PALLD: variants seen among roughly 807,000 people sequenced by gnomAD.
PALLD encodes the protein palladin.
In PALLD, 61 loss-of-function variants were observed where a neutral mutation model predicts 123.5. The ratio of observed to expected loss-of-function variants is 0.49; its 90% CI spans 0.40 to 0.61. The LOEUF (loss-of-function observed/expected upper bound fraction) is 0.61, where lower values mean the gene tolerates loss of function less well. Among genes scored for constraint, PALLD ranks in the 20% least tolerant of loss-of-function variants. The pLI is 0.00. For missense variants in PALLD, 1,273 were observed against 1,377.0 expected, an observed-to-expected ratio of 0.92 and a Z score of 1.20; for synonymous variants, 465 against 496.4, an observed-to-expected ratio of 0.94 and a Z score of 0.84.
intron 2 of PALLD, among the ~76,000 whole-genome samples, chr4:168,615,599 AG>A (rs892466192): frequency 3.3e-5 from 5 of 152,214 alleles, no homozygotes; most frequent in Admixed American, 6.5e-5. Flanking sequence ...GATAATCAAA[AG>A]CATGTGTCCC....
chr4:168,788,493 G>T (rs1469907363), intron 10 of PALLD, among the ~76,000 whole-genome samples: 1 of 152,222 alleles, frequency 6.6e-6, no homozygotes, highest in Non-Finnish European at 1.5e-5. Flanking sequence ...AATAGGGAGA[G>T]CACAGAGGAT....
At chr4:168,584,588 C>T (rs1770623113) in intron 2 of PALLD, among the ~76,000 whole-genome samples, 1 of 152,298 alleles carries the variant, frequency 6.6e-6, no homozygotes, top group Non-Finnish European at 1.5e-5. Flanking sequence ...ACTTTTAAGG[C>T]ATCTAAGGAA....
At chr4:168,596,892 C>A (rs999173833) in intron 2 of PALLD, among the ~76,000 whole-genome samples, 6 of 152,032 alleles carry the variant, frequency 3.9e-5, no homozygotes, top group Non-Finnish European at 7.4e-5. Context: ...TTGATTGAGT[C>A]AATCCATACT....
chr4:168,681,396 A>G lies in PALLD; in HGVS notation c.1152A>G (p.Pro384=), dbSNP rs774645499. 1.4e-5 allele frequency: 22 copies of G among 1,589,298 alleles called. No homozygotes were observed. The highest frequency in any genetic ancestry group is 1.9e-5 in the Non-Finnish European group (22 of 1,157,740). Residue 384 remains proline (P), a splice_region_variant and synonymous_variant, in exon 4 of 22, where the codon CCA becomes CCG. Coordinates refer to ENST00000505667, the MANE Select transcript of PALLD (RefSeq NM_001166108.2). The stretch of plus-strand genomic sequence containing the variant: ...TCAAATCAAGAGCTGGAGCTATGCC[A>G]CAGTAAGTGCCTACAATTCCATCGA... ...LAFKSRAGAM[P]QAQKKTTSVS...
At chr4:168,500,440 T>TG (rs1761279212) in intron 1 of PALLD, among the ~76,000 whole-genome samples, 1 of 152,178 alleles carries the variant, frequency 6.6e-6, no homozygotes, top group Admixed American at 6.6e-5. Flanking sequence ...CATCGCTCAC[T>TG]GCAGCCTAGA....
chr4:168,732,186 G>T (rs889284787), intron 10 of PALLD, among the ~76,000 whole-genome samples: 1 of 152,180 alleles, frequency 6.6e-6, no homozygotes, highest in Non-Finnish European at 1.5e-5. Context: ...AGTTTGTAGC[G>T]TTGGACAAAT....
intron 10 of PALLD, among the ~76,000 whole-genome samples, chr4:168,852,820 T>C (rs1342782798): frequency 1.3e-5 from 2 of 152,220 alleles, no homozygotes; most frequent in African/African-American, 4.8e-5. Flanking sequence ...CTTAATTCCC[T>C]CTAATGCTTT....
chr4:168,699,417 C>CA (rs545765538), intron 8 of PALLD, among the ~76,000 whole-genome samples: 83 of 152,132 alleles, frequency 5.5e-4, no homozygotes, highest in Non-Finnish European at 1.1e-3. Context: ...CATTTACCCA[C>CA]ACTGGATTTC....
At chr4:168,907,286 G>A (rs1337163132) in intron 15 of PALLD, among the ~76,000 whole-genome samples, 1 of 152,174 alleles carries the variant, frequency 6.6e-6, no homozygotes, top group Admixed American at 6.5e-5. Context: ...AGAAGCCTGT[G>A]GAACCAGATG....
chr4:168,700,029 C>G (rs144919260), intron 8 of PALLD: 1 of 306,810 alleles, frequency 3.3e-6, no homozygotes, highest in Non-Finnish European at 6.5e-6. Flanking sequence ...ATGTCTTATA[C>G]GTCTTTGTTC....
At chr4:168,626,350 G>A (rs528444440) in intron 2 of PALLD, among the ~76,000 whole-genome samples, 10 of 146,126 alleles carry the variant, frequency 6.8e-5, no homozygotes, top group South Asian at 2.2e-4. Context: ...GCAGTGAGCC[G>A]AGATCGCACC....
At chr4:168,653,390 C>G (rs961182947) in intron 2 of PALLD, among the ~76,000 whole-genome samples, 3 of 152,194 alleles carry the variant, frequency 2.0e-5, no homozygotes, top group Non-Finnish European at 4.4e-5. Flanking sequence ...GACCTCTCCA[C>G]CTTTTTCTAG....
intron 3 of PALLD, among the ~76,000 whole-genome samples, chr4:168,673,392 G>A (rs1309665683): frequency 6.6e-6 from 1 of 152,028 alleles, no homozygotes; most frequent in Non-Finnish European, 1.5e-5. Context: ...CCGGACCAAG[G>A]GAACAAATGC....
chr4:168,678,773 A>ATG lies in PALLD; in HGVS notation c.1088-2542_1088-2541dup, dbSNP rs35217582. On this transcript the variant is annotated intron_variant, in intron 3 of 21. Transcript: ENST00000505667. ...TGTGTCCTCACAAGATCAGAGGGGT[A>ATG]TGTGTGTGTGTGTGTGTGGTGTACG... Among the ~76,000 whole-genome samples, 236 of 149,356 alleles carry ATG rather than the reference A, an allele frequency of 1.6e-3. 2 individuals carry two copies. The East Asian group carries it at 0.032, about 20-fold the overall frequency.
At chr4:168,529,838 T>C (rs1764436817) in intron 2 of PALLD, among the ~76,000 whole-genome samples, 1 of 152,206 alleles carries the variant, frequency 6.6e-6, no homozygotes, top group South Asian at 2.1e-4. Flanking sequence ...AAAGAAGTAA[T>C]TGTTGCAGCT....
At chr4:168,918,458 C>T (rs948104018) in intron 17 of PALLD, among the ~76,000 whole-genome samples, 9 of 151,954 alleles carry the variant, frequency 5.9e-5, no homozygotes, top group Non-Finnish European at 1.2e-4. Flanking sequence ...ACTACAGGAT[C>T]TTACTTATAT....
In PALLD at chr4:168,690,673, C is replaced by T. The variant is rs745457441; in HGVS notation, c.1406C>T (p.Pro469Leu). Residue 469 changes from proline to leucine, a missense_variant, in exon 7 of 22, where the codon CCT (proline) becomes CTT (leucine). Physicochemically the swap from Pro to Leu is moderately conservative, Grantham distance 98 (BLOSUM62 -3). This residue lies in a region of PALLD where 944 missense variants were observed against 954.5 expected (regional missense o/e 0.99). Coordinates refer to ENST00000505667, the MANE Select transcript of PALLD (RefSeq NM_001166108.2). ...GAGTGCCGGGTCCGTGGGGCACCCC[C>T]TCTGCAGGTCCAGTGGTTTCGGCAA... The part of the protein sequence containing the change: ...VLECRVRGAP[P>L]LQVQWFRQGS... 15 of 1,614,130 alleles carry T rather than the reference C, an allele frequency of 9.3e-6. No homozygotes were observed. The highest frequency in any genetic ancestry group is 1.2e-5 in the Non-Finnish European group (14 of 1,179,982).
chr4:168,631,850 C>CG, intron 2 of PALLD: 1 of 985,498 alleles, frequency 1.0e-6, no homozygotes, highest in Non-Finnish European at 1.2e-6. Context: ...GAAAGACCCC[C>CG]AAGAGGAGCT....
Position 168,711,902 on chromosome 4 carries a change from C to G in PALLD, c.1943C>G (p.Pro648Arg). The G allele has an allele frequency of 6.2e-7, 1 of 1,613,914 alleles. No individual in the cohort carries two copies. The highest frequency in any genetic ancestry group is 1.1e-5 in the South Asian group (1 of 91,056). The change falls in exon 10 of 22, where the codon CCT becomes CGT. Residue 648 changes from proline to arginine, a missense_variant. Pro to Arg is a moderately radical substitution (Grantham distance 103). Around this residue, in one of 2 missense-constraint regions of PALLD, gnomAD observed 944 missense variants for 954.5 expected, o/e 0.99. Coordinates refer to ENST00000505667, the MANE Select transcript of PALLD (RefSeq NM_001166108.2). ...CTTTCACCCACTAAGGAGCCACCAC[C>G]TCTGCTTGCCAAACCAAAACTGTGA... ...VLLSPTKEPP[P>R]LLAKPKLGFP...
Sources: gnomAD v4.1 joint callset for allele counts (sites outside exome capture counted in the v4.1 genomes callset) on GRCh38, gnomAD v4.1.1 for gene constraint, gnomAD v4.1.1 regional missense constraint, MANE v1.5 for transcripts, NCBI Gene and HGNC (gene_info 2026-07-23, HGNC 2026-07-21) for gene names.